CAMK2D: variants seen among roughly 807,000 people sequenced by gnomAD.
The protein encoded by CAMK2D is calcium/calmodulin dependent protein kinase II delta, also known as calcium/calmodulin-dependent protein kinase type II subunit delta.
In CAMK2D, 37 loss-of-function variants were observed where a neutral mutation model predicts 84.0. That is an observed-to-expected ratio of 0.44 (90% CI 0.34 to 0.58). The LOEUF (loss-of-function observed/expected upper bound fraction) is 0.58, where lower values mean the gene tolerates loss of function less well. Among genes scored for constraint, CAMK2D ranks in the 20% least tolerant of loss-of-function variants. The pLI, the probability that CAMK2D is intolerant of heterozygous loss-of-function variation, is 0.02. For missense variants in CAMK2D, 448 were observed against 652.5 expected (o/e 0.69, Z 3.41); for synonymous variants, 202 against 212.5 (o/e 0.95, Z 0.43).
At chr4:113,477,218 G>C (rs1427533089) in intron 16 of CAMK2D, among the ~76,000 whole-genome samples, 1 of 152,134 alleles carries the variant, frequency 6.6e-6, no homozygotes, top group Non-Finnish European at 1.5e-5. Context: ...TGAAAGCAAT[G>C]ATAAGACTCG....
chr4:113,653,796 A>G (rs2099186645), intron 3 of CAMK2D, among the ~76,000 whole-genome samples: 1 of 152,086 alleles, frequency 6.6e-6, no homozygotes, highest in Non-Finnish European at 1.5e-5. Flanking sequence ...AGAAATATTT[A>G]GTAAGCTTAA....
intron 16 of CAMK2D, among the ~76,000 whole-genome samples, chr4:113,487,402 C>G (rs1382798959): frequency 6.6e-6 from 1 of 151,870 alleles, no homozygotes; most frequent in African/African-American, 2.4e-5. Context: ...TAAAATAATA[C>G]AAACTCAGCA....
intron 4 of CAMK2D, among the ~76,000 whole-genome samples, chr4:113,606,385 G>A (rs543549403): frequency 1.3e-5 from 2 of 151,870 alleles, no homozygotes; most frequent in Non-Finnish European, 2.9e-5. Flanking sequence ...CAGGAGAATC[G>A]CTTGAACCCA....
At chr4:113,677,474 G>T in intron 2 of CAMK2D, 1 of 387,170 alleles carries the variant, frequency 2.6e-6, no homozygotes, top group Non-Finnish European at 3.5e-6. Flanking sequence ...GAAAGTAACA[G>T]AATGGAGACT....
chr4:113,733,528 C>G (rs2099573952), intron 2 of CAMK2D, among the ~76,000 whole-genome samples: 1 of 152,138 alleles, frequency 6.6e-6, no homozygotes, highest in Non-Finnish European at 1.5e-5. Context: ...TAAATATCCT[C>G]AAACAAAGGG....
intron 3 of CAMK2D, among the ~76,000 whole-genome samples, chr4:113,609,905 G>T (rs1392531535): frequency 6.6e-6 from 1 of 152,046 alleles, no homozygotes; most frequent in Non-Finnish European, 1.5e-5. Flanking sequence ...TTTTCAATGA[G>T]CCAGACTTTA....
intron 2 of CAMK2D, among the ~76,000 whole-genome samples, chr4:113,702,106 A>G (rs183512152): frequency 6.6e-6 from 1 of 152,296 alleles, no homozygotes; most frequent in East Asian, 1.9e-4. Context: ...GTGTACTTCT[A>G]TATCATACAA....
chr4:113,705,575 C>T (rs954246681), intron 2 of CAMK2D, among the ~76,000 whole-genome samples: 5 of 152,072 alleles, frequency 3.3e-5, no homozygotes, highest in Non-Finnish European at 7.4e-5. Context: ...CTGAACTAAG[C>T]GCTAGGTATA....
chr4:113,520,612 T>TGAA (rs1560678317), intron 8 of CAMK2D, among the ~76,000 whole-genome samples: 1 of 151,774 alleles, frequency 6.6e-6, no homozygotes, highest in East Asian at 1.9e-4. Context: ...TAAAAGTCAA[T>TGAA]GAAGAAGTCT....
At chr4:113,461,372 T>A (rs143677821) in intron 17 of CAMK2D, among the ~76,000 whole-genome samples, 13 of 151,952 alleles carry the variant, frequency 8.6e-5, no homozygotes, top group African/African-American at 3.1e-4. Context: ...ACAGGAAAGG[T>A]TTAAGAGAGG....
chr4:113,702,477 T>C (rs2099423109), intron 2 of CAMK2D, among the ~76,000 whole-genome samples: 1 of 152,162 alleles, frequency 6.6e-6, no homozygotes, highest in African/African-American at 2.4e-5. Context: ...GAATGGAAAT[T>C]TAATGCAAGC....
intron 2 of CAMK2D, among the ~76,000 whole-genome samples, chr4:113,667,673 T>C (rs930799531): frequency 3.3e-5 from 5 of 152,194 alleles, no homozygotes; most frequent in African/African-American, 1.2e-4. Context: ...CTACAAAACC[T>C]GAACAGGATG....
intron 8 of CAMK2D, among the ~76,000 whole-genome samples, chr4:113,518,593 G>C (rs1560662921): frequency 2.0e-5 from 3 of 152,172 alleles, no homozygotes; most frequent in South Asian, 4.1e-4. Context: ...CATTATCCTG[G>C]AGGAAGGCAG....
At chr4:113,468,326 G>T (rs1326884266) in intron 16 of CAMK2D, among the ~76,000 whole-genome samples, 1 of 152,092 alleles carries the variant, frequency 6.6e-6, no homozygotes, top group Non-Finnish European at 1.5e-5. Context: ...GCTTTTGCTG[G>T]CAGGACAACA....
intron 4 of CAMK2D, among the ~76,000 whole-genome samples, chr4:113,572,983 G>A (rs1479493445): frequency 6.6e-6 from 1 of 152,096 alleles, no homozygotes; most frequent in Non-Finnish European, 1.5e-5. Context: ...ATAAGTGAGA[G>A]CTAAAAGATA....
chr4:113,611,077 C>A (rs1312875007), intron 3 of CAMK2D, among the ~76,000 whole-genome samples: 3 of 142,574 alleles, frequency 2.1e-5, no homozygotes, highest in African/African-American at 7.9e-5. Context: ...CACACACACA[C>A]AATGTATATA....
At chr4:113,498,883 A>G (rs2097985080) in intron 16 of CAMK2D, among the ~76,000 whole-genome samples, 2 of 152,310 alleles carry the variant, frequency 1.3e-5, no homozygotes, top group South Asian at 2.1e-4. Context: ...TTCAGGTGAG[A>G]AAGACCACTT....
At chr4:113,461,994 C>T (rs2097381719) in intron 17 of CAMK2D, among the ~76,000 whole-genome samples, 1 of 152,196 alleles carries the variant, frequency 6.6e-6, no homozygotes, top group Admixed American at 6.5e-5. Flanking sequence ...ACCTTCACTT[C>T]AGATTGCCTG....
intron 2 of CAMK2D, among the ~76,000 whole-genome samples, chr4:113,692,174 T>C (rs2099388924): frequency 6.6e-6 from 1 of 152,196 alleles, no homozygotes; most frequent in Non-Finnish European, 1.5e-5. Context: ...AGTTCTCAAC[T>C]GACCATATTT....
Sources: gnomAD v4.1 joint callset for allele counts (sites outside exome capture counted in the v4.1 genomes callset) on GRCh38, gnomAD v4.1.1 for gene constraint, MANE v1.5 for transcripts, NCBI Gene and HGNC (gene_info 2026-07-23, HGNC 2026-07-21) for gene names.